The following ANKRD31 variants were observed in gnomAD, a reference collection of about 807,000 sequenced individuals.
ANKRD31 encodes ankyrin repeat domain-containing protein 31.
ANKRD31 carries 147 observed loss-of-function variants against 186.0 expected under a neutral mutation model. The observed-to-expected ratio is 0.79, with a 90% CI of 0.69 to 0.91. The LOEUF (loss-of-function observed/expected upper bound fraction) is 0.91, where lower values mean the gene tolerates loss of function less well. Among genes scored for constraint, ANKRD31 ranks in the 40% least tolerant of loss-of-function variants. The pLI, the probability that ANKRD31 is intolerant of heterozygous loss-of-function variation, is 0.00. For synonymous variants in ANKRD31, 673 were observed against 736.4 expected (o/e 0.91, Z 1.39); for missense variants, 1,986 against 2,148.8 (o/e 0.92, Z 1.50).
intron 11 of ANKRD31, among the ~76,000 whole-genome samples, chr5:75,165,307 T>A (rs942839780): frequency 1.3e-5 from 2 of 152,190 alleles, no homozygotes; most frequent in African/African-American, 2.4e-5. Context: ...GCATATACTT[T>A]AAGAAAAAGA....
At chr5:75,142,900 A>C (rs932907748) in intron 15 of ANKRD31, among the ~76,000 whole-genome samples, 2 of 152,178 alleles carry the variant, frequency 1.3e-5, no homozygotes, top group Non-Finnish European at 2.9e-5. Flanking sequence ...AATATGATTA[A>C]GTGCTGCTAG....
intron 22 of ANKRD31, among the ~76,000 whole-genome samples, chr5:75,094,752 T>C (rs891263028): frequency 6.6e-6 from 1 of 151,902 alleles, no homozygotes; most frequent in Non-Finnish European, 1.5e-5. Flanking sequence ...CAGACTGGAC[T>C]AAAAAAAATA....
chr5:75,109,963 G>C (rs1042064652), intron 20 of ANKRD31, among the ~76,000 whole-genome samples: 10 of 152,180 alleles, frequency 6.6e-5, no homozygotes, highest in Non-Finnish European at 1.3e-4. Context: ...CTGCTCTCCA[G>C]AGACTGAGTT....
chr5:75,077,931 CAAA>C (rs56910458), intron 25 of ANKRD31, among the ~76,000 whole-genome samples: 704 of 66,668 alleles, frequency 0.011, 2 homozygotes, highest in African/African-American at 0.036. Flanking sequence ...GACTCCGTCT[CAAA>C]AAAAAAAAAA....
chr5:75,231,840 G>A (rs1193671031), intron 1 of ANKRD31, among the ~76,000 whole-genome samples: 1 of 151,676 alleles, frequency 6.6e-6, no homozygotes, highest in South Asian at 2.1e-4. Flanking sequence ...CCAGTTCAAG[G>A]CTGCAGTGAG....
intron 17 of ANKRD31, among the ~76,000 whole-genome samples, chr5:75,124,623 A>C (rs879779620): frequency 1.3e-5 from 2 of 152,174 alleles, no homozygotes; most frequent in Admixed American, 1.3e-4. Flanking sequence ...ACAAAATGGA[A>C]TACTACTCAG....
At chr5:75,216,015 T>C (rs1455551594) in intron 3 of ANKRD31, among the ~76,000 whole-genome samples, 2 of 152,166 alleles carry the variant, frequency 1.3e-5, no homozygotes, top group Non-Finnish European at 2.9e-5. Context: ...TGGGATTACA[T>C]TGCCTTTTAC....
chr5:75,151,408 T>A (rs757687661), intron 12 of ANKRD31, among the ~76,000 whole-genome samples: 18 of 152,114 alleles, frequency 1.2e-4, no homozygotes, highest in Non-Finnish European at 2.4e-4. Flanking sequence ...GGTAATTGAA[T>A]CATGGGGGCA....
chr5:75,078,856 T>C (rs531574549), intron 25 of ANKRD31, among the ~76,000 whole-genome samples: 1 of 152,266 alleles, frequency 6.6e-6, no homozygotes, highest in South Asian at 2.1e-4. Context: ...AATAGCCAAA[T>C]AGGCAAAAAG....
chr5:75,199,483 TG>T, intron 6 of ANKRD31, 147 bp downstream of exon 6: 1 of 440,428 alleles, frequency 2.3e-6, no homozygotes, highest in Non-Finnish European at 3.8e-6. Context: ...ATGAAAGAGG[TG>T]ATTAGACAAG....
At chr5:75,211,774 C>T (rs2150289139) in intron 3 of ANKRD31, among the ~76,000 whole-genome samples, 1 of 151,960 alleles carries the variant, frequency 6.6e-6, no homozygotes, top group South Asian at 2.1e-4. Flanking sequence ...GTTCATTGGC[C>T]ATTTTTATAT....
At chr5:75,214,814 A>G (rs1756865802) in intron 3 of ANKRD31, among the ~76,000 whole-genome samples, 1 of 152,230 alleles carries the variant, frequency 6.6e-6, no homozygotes, top group African/African-American at 2.4e-5. Context: ...TAATTGTACA[A>G]TTCAATTAAT....
At chr5:75,185,515 G>A (rs1286345673) in intron 10 of ANKRD31, among the ~76,000 whole-genome samples, 7 of 152,146 alleles carry the variant, frequency 4.6e-5, no homozygotes, top group Admixed American at 2.0e-4. Context: ...CCAAGATCAC[G>A]CCACTGCACT....
rs772781857 is a variant in ANKRD31 at position 75,146,716 on chromosome 5, C to G, written c.2695G>C (p.Asp899His). Residue 899 changes from aspartate (D) to histidine (H), a missense_variant, in exon 14 of 26, where the codon GAT (aspartate) becomes CAT (histidine). Transcript: ENST00000506364. The part of the protein sequence containing the change: ...SFLSFVKENS[D>H]NDDDDDCSTS... ...GAGCAATCATCATCATCATCATTAT[C>G]AGAATTTTCCTTTACAAAGGATAGG... is the stretch of plus-strand genomic sequence containing the variant. 1 of 1,536,270 alleles carries G rather than the reference C, an allele frequency of 6.5e-7. No homozygotes were observed. Among genetic ancestry groups the G allele is most frequent in the African/African-American group, 1.4e-5 (1 of 73,068 alleles).
chr5:75,163,972 C>A (rs1276335691), intron 11 of ANKRD31, among the ~76,000 whole-genome samples: 1 of 152,212 alleles, frequency 6.6e-6, no homozygotes, highest in East Asian at 1.9e-4. Context: ...AGAGTACAGG[C>A]TGGAGTTTTA....
chr5:75,149,448 T>C (rs955233204), intron 12 of ANKRD31, among the ~76,000 whole-genome samples: 1 of 151,958 alleles, frequency 6.6e-6, no homozygotes, highest in Non-Finnish European at 1.5e-5. Context: ...ACTTTCATGA[T>C]AGCAATCAAA....
Position 75,105,039 on chromosome 5 carries a change from G to A in ANKRD31, c.4520C>T (p.Ser1507Leu). Residue 1507 changes from serine (S) to leucine (L), a missense_variant, in exon 22 of 26, where the codon TCA becomes TTA. Coordinates refer to ENST00000506364, the MANE Select transcript of ANKRD31 (RefSeq NM_001372053.1). Reference protein sequence around the residue: ...CLSLRKLPPRSEISSEKDSQE... With the variant: ...CLSLRKLPPRLEISSEKDSQE... ...GCTGTCTTTTTCACTAGAGATTTCT[G>A]ATCTGGGTGGGAGCTTCCTTAAACT... The A allele has an allele frequency of 6.5e-7, 1 of 1,536,798 alleles. No homozygotes were observed. The highest frequency in any genetic ancestry group is 8.7e-7 in the Non-Finnish European group (1 of 1,146,810).
intron 20 of ANKRD31, among the ~76,000 whole-genome samples, chr5:75,112,071 A>C (rs112935623): frequency 9.2e-4 from 140 of 152,174 alleles, no homozygotes; most frequent in African/African-American, 3.1e-3. Context: ...ATAGTTCTGA[A>C]TGTCTCTCAA....
chr5:75,130,328 A>T (rs1749677124), intron 17 of ANKRD31, among the ~76,000 whole-genome samples: 1 of 152,204 alleles, frequency 6.6e-6, no homozygotes, highest in Non-Finnish European at 1.5e-5. Context: ...TATTGCAAAG[A>T]GCAAAAGAAC....
Sources: gnomAD v4.1 joint callset for allele counts (sites outside exome capture counted in the v4.1 genomes callset) on GRCh38, gnomAD v4.1.1 for gene constraint, MANE v1.5 for transcripts, NCBI Gene and HGNC (gene_info 2026-07-23, HGNC 2026-07-21) for gene names.